MAN1B1: variants seen among roughly 807,000 people sequenced by gnomAD.
MAN1B1 encodes the protein mannosidase alpha class 1B member 1.
A neutral mutation model predicts 75.5 loss-of-function variants in MAN1B1; 66 were observed. The observed-to-expected ratio is 0.87, with a 90% CI of 0.72 to 1.07. MAN1B1 has a LOEUF of 1.07. Among genes scored for constraint, MAN1B1 ranks in the 50% least tolerant of loss-of-function variants. The pLI is 0.00. For missense variants in MAN1B1, 973 were observed against 912.5 expected (o/e 1.07, Z -0.85); for synonymous variants, 453 against 382.8 (o/e 1.18, Z -2.14).
intron 10 of MAN1B1, 112 bp downstream of exon 10, chr9:137,106,921 G>C: frequency 7.0e-7 from 1 of 1,435,758 alleles, no homozygotes; most frequent in Admixed American, 2.0e-5. Flanking sequence ...CCCACGTGGA[G>C]GCCCTGGGTG....
At position 137,107,376 on chromosome 9, in the gene MAN1B1, A is replaced by T; in HGVS notation, c.1693A>T (p.Thr565Ser). The T allele has an allele frequency of 6.2e-7, 1 of 1,613,278 alleles. No individual in the cohort carries two copies. Among genetic ancestry groups the T allele is most frequent in the Non-Finnish European group, 8.5e-7 (1 of 1,179,978 alleles). The part of the protein sequence containing the change: ...TCYQMNRQME[T>S]GLSPEIVHFN... ...TTACCAGATGAACCGGCAGATGGAGACGGGGCTGAGTCCCGAGATCGTGCA... is the reference window on the plus strand; with the variant it reads ...TTACCAGATGAACCGGCAGATGGAGTCGGGGCTGAGTCCCGAGATCGTGCA... Residue 565 changes from threonine to serine, a missense_variant, in exon 11 of 13, where the codon ACG becomes TCG. By Grantham distance (58) the Thr-to-Ser change is moderately conservative. Coordinates refer to ENST00000371589, the MANE Select transcript of MAN1B1 (RefSeq NM_016219.5).
chr9:137,087,290 G>A (rs1830398709), intron 1 of MAN1B1, 72 bp downstream of exon 1: 1 of 1,505,222 alleles, frequency 6.6e-7, no homozygotes, highest in Middle Eastern at 1.8e-4. Context: ...GCGGCTCCGA[G>A]CGGGACCTGG....
chr9:137,106,401 C>T lies in MAN1B1; in HGVS notation c.1445+86C>T. 5.5e-6 allele frequency: 7 copies of T among 1,266,278 alleles called. No individual in the cohort carries two copies. The South Asian group carries it at 9.6e-5, about 17-fold the overall frequency. The allele number at this position is 1,266,278 out of a possible 1,614,324, so 78.4% of individuals were successfully genotyped here. On this transcript the variant is annotated intron_variant, in intron 9 of 12. Transcript: ENST00000371589. The stretch of plus-strand genomic sequence containing the variant: ...CCTGCTGCCCCCAGCTCCCACGGCC[C>T]CCGCTCCTGCTGCCCCCCGCCACAC...
At chr9:137,103,394 G>A (rs1830964220) in intron 8 of MAN1B1, 1 of 453,468 alleles carries the variant, frequency 2.2e-6, no homozygotes, top group Admixed American at 2.4e-5. Flanking sequence ...GCTGTTGCAG[G>A]CGTGCAGGTC....
At chr9:137,103,116 C>T (rs1830938165) in intron 8 of MAN1B1, 3 of 445,042 alleles carry the variant, frequency 6.7e-6, no homozygotes, top group South Asian at 1.6e-5. Context: ...TACACACATG[C>T]TGTTGCAGGC....
chr9:137,104,001 T>A, intron 8 of MAN1B1: 1 of 454,996 alleles, frequency 2.2e-6, no homozygotes, highest in Middle Eastern at 3.2e-4. Flanking sequence ...GTCGGTGGTG[T>A]TACATTCACG....
chr9:137,087,031 C>A lies in MAN1B1; in HGVS notation c.32C>A (p.Ala11Asp), dbSNP rs1429179400. 4 of 1,602,308 alleles carry A rather than the reference C, an allele frequency of 2.5e-6. No homozygotes were observed. The highest frequency in any genetic ancestry group is 1.7e-4 in the Middle Eastern group (1 of 5,956). ...GCCTGCGAGGGCAGGAGAAGCGGAGCTCTCGGTTCCTCTCAGTCGGACTTC... is the reference window on the plus strand; with the variant it reads ...GCCTGCGAGGGCAGGAGAAGCGGAGATCTCGGTTCCTCTCAGTCGGACTTC... The part of the protein sequence containing the change: MAACEGRRSG[A>D]LGSSQSDFLT... Residue 11 changes from alanine to aspartate, a missense_variant, in exon 1 of 13, where the codon GCT becomes GAT. Transcript: ENST00000371589.
Position 137,101,021 on chromosome 9 carries a change from G to T in MAN1B1, c.933G>T (p.Arg311Ser). 1 of 1,614,210 alleles carries T rather than the reference G, an allele frequency of 6.2e-7. No individual in the cohort carries two copies. ...LGLRKEFEEA[R>S]KWVSKKLHFE... ...ATGTCATAGAATTTGAGGAAGCCAG[G>T]AAGTGGGTGTCGAAGAAGTTACACT... Residue 311 changes from arginine (R) to serine (S), a missense_variant, in exon 7 of 13, where the codon AGG becomes AGT. Arg to Ser is a moderately radical substitution (Grantham distance 110, BLOSUM62 -1). Transcript: ENST00000371589.
chr9:137,107,563 G>A lies in MAN1B1; in HGVS notation c.1797G>A (p.Glu599=). The change falls in exon 12 of 13, where the codon GAG becomes GAA. Residue 599 remains glutamate (E), a synonymous_variant. Coordinates refer to ENST00000371589, the MANE Select transcript of MAN1B1 (RefSeq NM_016219.5). ...PADRHNLLRP[E]TVESLFYLYR... Reference sequence around the variant, plus strand: ...ACAGGCACAACCTGCTGCGGCCAGAGACCGTGGAGAGCCTGTTCTACCTGT... The same window carrying A: ...ACAGGCACAACCTGCTGCGGCCAGAAACCGTGGAGAGCCTGTTCTACCTGT... 6.2e-7 allele frequency: 1 copy of A among 1,612,728 alleles called. No homozygotes were observed. The highest frequency in any genetic ancestry group is 1.1e-5 in the South Asian group (1 of 91,090).
chr9:137,092,930 T>C (rs1209666628), intron 3 of MAN1B1, among the ~76,000 whole-genome samples: 1 of 152,202 alleles, frequency 6.6e-6, no homozygotes, highest in Non-Finnish European at 1.5e-5. Flanking sequence ...GACTTTTATA[T>C]TTTCCTTTAT....
At chr9:137,103,752 G>T (rs1191109795) in intron 8 of MAN1B1, 10 of 451,236 alleles carry the variant, frequency 2.2e-5, no homozygotes. Flanking sequence ...AGGCGTGCAG[G>T]TCGGTGGTGT....
chr9:137,088,717 C>A, intron 2 of MAN1B1, 152 bp from the exon 3 acceptor site: 1 of 894,048 alleles, frequency 1.1e-6, no homozygotes, highest in Non-Finnish European at 1.8e-6. Flanking sequence ...GATTTCATTC[C>A]CTTGGGACAT....
chr9:137,087,727 T>A (rs1830412551), intron 1 of MAN1B1, among the ~76,000 whole-genome samples: 1 of 152,220 alleles, frequency 6.6e-6, no homozygotes, highest in African/African-American at 2.4e-5. Context: ...GTTGATGAAA[T>A]GTGACAGAAA....
rs1216346632 is a variant in MAN1B1 at position 137,108,729 on chromosome 9, C to G, written c.*138C>G. 5 of 810,610 alleles carry G rather than the reference C, an allele frequency of 6.2e-6. No homozygotes were observed. In the African/African-American group the frequency reaches 6.7e-5, roughly 11 times the overall value. 50.2% of individuals were successfully genotyped at this position (810,610 alleles called of 1,614,324 possible). Reference sequence around the variant, plus strand: ...GAACTGGCTCTGGGCTCCTCCTCGTCTCTGCTTTAATCAGGACACCGTGAG... The same window carrying G: ...GAACTGGCTCTGGGCTCCTCCTCGTGTCTGCTTTAATCAGGACACCGTGAG... On this transcript the variant is annotated 3_prime_UTR_variant, in exon 13 of 13. Transcript: ENST00000371589.
intron 8 of MAN1B1, chr9:137,105,733 T>C (rs1056517244): frequency 2.5e-6 from 1 of 393,588 alleles, no homozygotes; most frequent in East Asian, 6.9e-5. Context: ...GGAGCAACAC[T>C]GGGCTCAGAA....
intron 3 of MAN1B1, among the ~76,000 whole-genome samples, chr9:137,090,770 C>G (rs910534395): frequency 1.3e-5 from 2 of 152,156 alleles, no homozygotes; most frequent in African/African-American, 4.8e-5. Flanking sequence ...AACTCCTGAC[C>G]TCTTGATCTG....
Position 137,101,591 on chromosome 9 carries a change from C to T in MAN1B1, c.1173C>T (p.Ser391=), listed in dbSNP as rs145704211. 3,679 of 1,613,870 alleles carry T rather than the reference C, an allele frequency of 2.3e-3. 9 individuals carry two copies. Among genetic ancestry groups the T allele is most frequent in the Non-Finnish European group, 2.8e-3 (3,336 of 1,180,026 alleles). ...TGVAHPPRWT[S]DSTVAEVTSI... ...TTGCCCACCCGCCACGGTGGACCTC[C>T]GACAGCACTGTGGCCGAGGTGACCA... is the stretch of plus-strand genomic sequence containing the variant. Residue 391 remains serine (S), a synonymous_variant, in exon 8 of 13, where the codon TCC becomes TCT. Transcript: ENST00000371589.
In MAN1B1 at chr9:137,093,115, A is replaced by G. The variant is rs560719332; in HGVS notation, c.466-3122A>G. 3.9e-5 allele frequency among the ~76,000 whole-genome samples: 6 copies of G among 152,294 alleles called. No individual in the cohort carries two copies. In the South Asian group the frequency reaches 8.3e-4, roughly 21 times the overall value. ...TTGAAAAGAGATCTCAGGAGGTTGC[A>G]GTGGCTCACACCTGTAGTCCCAGCA... On this transcript the variant is annotated intron_variant, in intron 3 of 12. Transcript: ENST00000371589.
At chr9:137,098,477 T>G (rs1588596372) in intron 5 of MAN1B1, among the ~76,000 whole-genome samples, 1 of 151,344 alleles carries the variant, frequency 6.6e-6, no homozygotes, top group Non-Finnish European at 1.5e-5. Context: ...GGCAGGTCGC[T>G]GAGTCTGGAG....
Sources: allele counts gnomAD v4.1 joint callset (sites outside exome capture counted in the v4.1 genomes callset), GRCh38; gene constraint gnomAD v4.1.1; transcripts MANE v1.5; gene names NCBI Gene and HGNC (gene_info 2026-07-23, HGNC 2026-07-21).